The following TMPRSS2 variants were observed in gnomAD, a reference collection of about 807,000 sequenced individuals.
The protein encoded by TMPRSS2 is transmembrane serine protease 2.
In TMPRSS2, 59 loss-of-function variants were observed where a neutral mutation model predicts 67.4. That is an observed-to-expected ratio of 0.88 (90% confidence interval 0.71 to 1.09). TMPRSS2 has a LOEUF of 1.09. Among genes scored for constraint, TMPRSS2 ranks in the 50% least tolerant of loss-of-function variants. The probability of loss-of-function intolerance (pLI) is 0.00; values close to 1 mark genes in which losing one functional copy is unlikely to be tolerated. For missense variants in TMPRSS2, 668 were observed against 642.7 expected (o/e 1.04, Z -0.43); for synonymous variants, 257 against 257.0 (o/e 1.00, Z 0.00).
intron 5 of TMPRSS2, among the ~76,000 whole-genome samples, chr21:41,481,590 G>A (rs2091257348): frequency 6.6e-6 from 1 of 152,084 alleles, no homozygotes; most frequent in Non-Finnish European, 1.5e-5. Flanking sequence ...ATATATAAAA[G>A]CCAGTGAATT....
intron 5 of TMPRSS2, among the ~76,000 whole-genome samples, chr21:41,483,228 A>T (rs1306309624): frequency 1.3e-5 from 2 of 152,166 alleles, no homozygotes; most frequent in African/African-American, 4.8e-5. Context: ...CATTTTCTGT[A>T]AACCTAAAAC....
rs1037081839 is a variant in TMPRSS2 at position 41,467,972 on chromosome 21, GC to G, written c.1315-87del. 790 of 1,497,888 alleles carry G rather than the reference GC, an allele frequency of 5.3e-4. 4 individuals carry two copies. In the African/African-American group the frequency reaches 0.01, roughly 19 times the overall value. 92.8% of individuals were successfully genotyped at this position (1,497,888 alleles called of 1,614,324 possible). ...TGACCAGGCCTAGAGGAGTTGGGGG[GC>G]GGGGGTCGCAGTGTGAGTTACGAGT... On this transcript the variant is annotated intron_variant, in intron 12 of 13. Coordinates refer to ENST00000332149, the MANE Select transcript of TMPRSS2 (RefSeq NM_005656.4).
At chr21:41,482,805 T>C (rs1339292405) in intron 5 of TMPRSS2, among the ~76,000 whole-genome samples, 1 of 152,210 alleles carries the variant, frequency 6.6e-6, no homozygotes, top group Non-Finnish European at 1.5e-5. Flanking sequence ...GAAACTTGAA[T>C]GCATATTACT....
At chr21:41,507,782 G>A (rs2091468793) in intron 1 of TMPRSS2, among the ~76,000 whole-genome samples, 1 of 152,122 alleles carries the variant, frequency 6.6e-6, no homozygotes, top group Admixed American at 6.5e-5. Flanking sequence ...CCACCAACTG[G>A]CTAGGGACTC....
chr21:41,468,517 T>C lies in TMPRSS2; in HGVS notation c.1193A>G (p.Asn398Ser). ...CTCAATGAGAAGCACCTTGGCAGCG[T>C]TCAGCACTTCTGAGGTCTTCCCTAA... ...EEKGKTSEVL[N>S]AAKVLLIETQ... Residue 398 changes from asparagine to serine, a missense_variant, in exon 12 of 14, where the codon AAC becomes AGC. Transcript: ENST00000332149. 3 of 1,614,120 alleles carry C rather than the reference T, an allele frequency of 1.9e-6. No individual in the cohort carries two copies. In the South Asian group the frequency reaches 3.3e-5, roughly 18 times the overall value.
intron 5 of TMPRSS2, among the ~76,000 whole-genome samples, chr21:41,483,292 A>ACTT (rs907992150): frequency 6.6e-6 from 1 of 150,542 alleles, no homozygotes; most frequent in Non-Finnish European, 1.5e-5. Context: ...AAATGAATAC[A>ACTT]CTTCTTCTTC....
Position 41,494,410 on chromosome 21 carries a change from TGGAAG to T in TMPRSS2, c.179_183del (p.Ala60GlufsTer21). On this transcript the variant is annotated frameshift_variant, in exon 3 of 14. Transcript: ENST00000332149. LOFTEE classifies it high-confidence loss of function. ...TTGGGCTGCGTGCAGACGACGGGGT[TGGAAG>T]CCTGCGTCAGGACCCTCGGGGCGTA... is the stretch of plus-strand genomic sequence containing the variant. The T allele has an allele frequency of 6.2e-7, 1 of 1,611,292 alleles. No homozygotes were observed. Among genetic ancestry groups the T allele is most frequent in the South Asian group, 1.1e-5 (1 of 90,638 alleles).
chr21:41,483,244 TA>T (rs2146457112), intron 5 of TMPRSS2, among the ~76,000 whole-genome samples: 1 of 152,258 alleles, frequency 6.6e-6, no homozygotes, highest in African/African-American at 2.4e-5. Flanking sequence ...AAAACCGCTC[TA>T]AAATATAAAG....
At chr21:41,469,077 TG>T (rs771423479) in intron 11 of TMPRSS2, among the ~76,000 whole-genome samples, 1 of 152,124 alleles carries the variant, frequency 6.6e-6, no homozygotes, top group South Asian at 2.1e-4. Context: ...CTGGGCACCG[TG>T]GGCTTAGTGT....
At chr21:41,491,970 G>A (rs1261118228) in intron 3 of TMPRSS2, among the ~76,000 whole-genome samples, 1 of 152,220 alleles carries the variant, frequency 6.6e-6, no homozygotes. Context: ...CAAGGCAGGA[G>A]GATCACCTGA....
intron 1 of TMPRSS2, among the ~76,000 whole-genome samples, chr21:41,503,684 G>C (rs1179931940): frequency 6.6e-6 from 1 of 152,180 alleles, no homozygotes; most frequent in African/African-American, 2.4e-5. Flanking sequence ...AGCTACCTTA[G>C]AATGTACCGA....
chr21:41,484,121 A>T (rs2410429), intron 5 of TMPRSS2, among the ~76,000 whole-genome samples: 2 of 151,944 alleles, frequency 1.3e-5, no homozygotes, highest in African/African-American at 4.8e-5. Context: ...CTTGTCTCAA[A>T]AAAACCCAAT....
intron 3 of TMPRSS2, 150 bp from the exon 4 acceptor site, chr21:41,489,743 C>T: frequency 3.3e-6 from 2 of 601,650 alleles, no homozygotes; most frequent in Non-Finnish European, 5.8e-6. Flanking sequence ...TAAGAAATAT[C>T]ATGGACGATC....
In TMPRSS2 at chr21:41,478,691, G is replaced by A. The variant is rs1414935980; in HGVS notation, c.683+481C>T. 3.3e-5 allele frequency among the ~76,000 whole-genome samples: 5 copies of A among 152,110 alleles called. No individual in the cohort carries two copies. Among genetic ancestry groups the A allele is most frequent in the African/African-American group, 9.7e-5 (4 of 41,402 alleles). On this transcript the variant is annotated intron_variant, in intron 7 of 13. Coordinates refer to ENST00000332149, the MANE Select transcript of TMPRSS2 (RefSeq NM_005656.4). The surrounding 1 kb of genome is among the most constrained non-coding windows in gnomAD (Gnocchi z 4.0). ...AGCACCCTCTGGCACTGCTGTCCCG[G>A]GGTTGGGGCTAACGGGACCAGCCAG... is the stretch of plus-strand genomic sequence containing the variant.
intron 1 of TMPRSS2, among the ~76,000 whole-genome samples, chr21:41,498,705 A>T (rs2091403504): frequency 6.6e-6 from 1 of 152,236 alleles, no homozygotes; most frequent in African/African-American, 2.4e-5. Context: ...CGACAAGGTA[A>T]CTAAACCCAT....
At chr21:41,485,888 G>A (rs903451733) in intron 5 of TMPRSS2, among the ~76,000 whole-genome samples, 13 of 152,204 alleles carry the variant, frequency 8.5e-5, no homozygotes, top group African/African-American at 2.7e-4. Flanking sequence ...AGGCCGGCAC[G>A]AGGGCCGAGC....
At chr21:41,492,354 C>T (rs373355700) in intron 3 of TMPRSS2, among the ~76,000 whole-genome samples, 4 of 152,184 alleles carry the variant, frequency 2.6e-5, no homozygotes, top group East Asian at 3.8e-4. Flanking sequence ...TATGGACCTT[C>T]GATTCTCCAA....
chr21:41,506,758 A>T lies in TMPRSS2; in HGVS notation c.-57+1323T>A, dbSNP rs959169694. On this transcript the variant is annotated intron_variant, in intron 1 of 13. Transcript: ENST00000332149. Reference sequence around the variant, plus strand: ...TCTCCTGGGACAGGTCAACAAACTTAGTCTCACTTTAGGTTTTCCAAATGC... The same window carrying T: ...TCTCCTGGGACAGGTCAACAAACTTTGTCTCACTTTAGGTTTTCCAAATGC... 4.6e-5 allele frequency among the ~76,000 whole-genome samples: 7 copies of T among 152,242 alleles called. No individual in the cohort carries two copies. In the South Asian group the frequency reaches 1.5e-3, roughly 32 times the overall value.
chr21:41,489,536 G>C lies in TMPRSS2; in HGVS notation c.296C>G (p.Ala99Gly), dbSNP rs201949634. Residue 99 changes from alanine (A) to glycine (G), a missense_variant, in exon 4 of 14, where the codon GCG (alanine) becomes GGG (glycine). Coordinates refer to ENST00000332149, the MANE Select transcript of TMPRSS2 (RefSeq NM_005656.4). Reference sequence around the variant, plus strand: ...CTTCCAGAGTAGGCCAGCGGCCAGCGCAGCTCCCACGAGGAAGGTCCCCAG... The same window carrying C: ...CTTCCAGAGTAGGCCAGCGGCCAGCCCAGCTCCCACGAGGAAGGTCCCCAG... ...LTLGTFLVGAALAAGLLWKFM... is the reference protein window; with the variant it reads ...LTLGTFLVGAGLAAGLLWKFM... 1 of 1,614,100 alleles carries C rather than the reference G, an allele frequency of 6.2e-7. No homozygotes were observed. The highest frequency in any genetic ancestry group is 8.5e-7 in the Non-Finnish European group (1 of 1,179,992).
Sources: gnomAD v4.1 joint callset for allele counts (sites outside exome capture counted in the v4.1 genomes callset) on GRCh38, gnomAD v4.1.1 for gene constraint, Gnocchi (gnomAD v3.1) non-coding constraint, MANE v1.5 for transcripts, NCBI Gene and HGNC (gene_info 2026-07-23, HGNC 2026-07-21) for gene names.